GMDS: variants seen among roughly 807,000 people sequenced by gnomAD.
GMDS encodes GDP-mannose 4,6 dehydratase.
Under a neutral mutation model 49.9 loss-of-function variants are expected in GMDS, and 20 were observed. That is an observed-to-expected ratio of 0.40 (90% CI 0.28 to 0.58). The LOEUF (loss-of-function observed/expected upper bound fraction) is 0.58, where lower values mean the gene tolerates loss of function less well. Ranked by LOEUF, GMDS falls within the 20% of genes least tolerant of loss-of-function variation. The pLI is 0.42. For missense variants in GMDS, 362 were observed against 481.4 expected (o/e 0.75, Z 2.32); for synonymous variants, 177 against 178.6 (o/e 0.99, Z 0.07).
intron 9 of GMDS, among the ~76,000 whole-genome samples, chr6:1,713,022 G>A (rs576026157): frequency 6.6e-5 from 10 of 152,176 alleles, no homozygotes; most frequent in East Asian, 1.9e-4. Context: ...TCATATCTGC[G>A]TTTCTCCCAA....
chr6:1,866,344 T>C (rs1284891638), intron 7 of GMDS, among the ~76,000 whole-genome samples: 1 of 152,244 alleles, frequency 6.6e-6, no homozygotes, highest in African/African-American at 2.4e-5. Context: ...GCGAAGGGTA[T>C]ACATTTTAAA....
intron 1 of GMDS, among the ~76,000 whole-genome samples, chr6:2,189,063 G>A (rs1463551114): frequency 2.0e-5 from 3 of 152,136 alleles, no homozygotes; most frequent in Non-Finnish European, 4.4e-5. Flanking sequence ...ATGAACTGGT[G>A]GAGAACACTG....
At chr6:1,759,080 G>T (rs1347553790) in intron 7 of GMDS, among the ~76,000 whole-genome samples, 2 of 152,024 alleles carry the variant, frequency 1.3e-5, no homozygotes, top group Admixed American at 6.5e-5. Context: ...GCGCCACCAC[G>T]CCCGGCTAAT....
intron 1 of GMDS, among the ~76,000 whole-genome samples, chr6:2,145,977 C>T (rs1038649316): frequency 2.0e-5 from 3 of 152,232 alleles, no homozygotes; most frequent in African/African-American, 7.2e-5. Flanking sequence ...TACTGAGAGA[C>T]AACTATGCTG....
At chr6:1,869,025 C>T (rs1730050695) in intron 7 of GMDS, among the ~76,000 whole-genome samples, 1 of 152,174 alleles carries the variant, frequency 6.6e-6, no homozygotes, top group African/African-American at 2.4e-5. Flanking sequence ...CCATCCGTGA[C>T]AGTGGGGAAA....
intron 7 of GMDS, among the ~76,000 whole-genome samples, chr6:1,928,915 G>C (rs1191345042): frequency 6.6e-6 from 1 of 152,064 alleles, no homozygotes; most frequent in Admixed American, 6.5e-5. Flanking sequence ...GTTGTAGTGA[G>C]GCGAAATCAT....
chr6:2,054,266 T>C (rs897783312), intron 4 of GMDS, among the ~76,000 whole-genome samples: 20 of 152,056 alleles, frequency 1.3e-4, no homozygotes, highest in Admixed American at 1.2e-3. Flanking sequence ...AAAAGACCTA[T>C]TTTTAAATTG....
chr6:1,756,771 C>G (rs909342404), intron 7 of GMDS, among the ~76,000 whole-genome samples: 1 of 152,224 alleles, frequency 6.6e-6, no homozygotes, highest in Non-Finnish European at 1.5e-5. Flanking sequence ...TCCAGCTAAG[C>G]GTTCTGACAT....
intron 1 of GMDS, among the ~76,000 whole-genome samples, chr6:2,176,531 C>A (rs1778292733): frequency 6.6e-6 from 1 of 152,084 alleles, no homozygotes; most frequent in Admixed American, 6.5e-5. Flanking sequence ...GGGAATAAAC[C>A]AGGAAGGAAG....
rs1561961990 is a variant in GMDS at position 2,000,002 on chromosome 6, ATATATATTTTTTATATATATATATATC to A, written c.346-39063_346-39037del. Among the ~76,000 whole-genome samples the A allele has an allele frequency of 4.0e-3, 77 of 19,132 alleles. 1 individual carries two copies. The highest frequency in any genetic ancestry group is 6.3e-3 in the Non-Finnish European group (58 of 9,160). The allele number at this position is 19,132 out of a possible 152,430, so 12.6% of individuals were successfully genotyped here. ...TATATTTTATATATATATATTATATATATATATTTTTTATATATATATATATCTATATCTTTTTTTTTTTTTTTTTGA... is the reference window on the plus strand; with the variant it reads ...TATATTTTATATATATATATTATATATATATCTTTTTTTTTTTTTTTTTGA... On this transcript the variant is annotated intron_variant, in intron 4 of 10. Coordinates refer to ENST00000380815, the MANE Select transcript of GMDS (RefSeq NM_001500.4).
chr6:1,950,064 ATTATT>A (rs1763265125), intron 6 of GMDS, among the ~76,000 whole-genome samples: 1 of 152,222 alleles, frequency 6.6e-6, no homozygotes, highest in African/African-American at 2.4e-5. Flanking sequence ...TTTTTTAAAG[ATTATT>A]TTATTTAGAC....
intron 4 of GMDS, among the ~76,000 whole-genome samples, chr6:2,113,782 G>C (rs1340660336): frequency 1.3e-5 from 2 of 152,020 alleles, no homozygotes; most frequent in Non-Finnish European, 2.9e-5. Flanking sequence ...TTTTCGTACT[G>C]TACCATGCAT....
At chr6:2,148,991 C>T (rs1453140854) in intron 1 of GMDS, among the ~76,000 whole-genome samples, 1 of 152,116 alleles carries the variant, frequency 6.6e-6, no homozygotes, top group Admixed American at 6.5e-5. Context: ...AGCATGGTTA[C>T]GAATCATCAC....
intron 4 of GMDS, among the ~76,000 whole-genome samples, chr6:1,989,370 G>A (rs9392348): frequency 0.2 from 30,739 of 152,052 alleles, 3,354 homozygotes; most frequent in Non-Finnish European, 0.23. Flanking sequence ...AGGCTGGTAT[G>A]TGGTCAAGGT....
chr6:1,912,229 G>A (rs971318484), intron 7 of GMDS, among the ~76,000 whole-genome samples: 2 of 152,098 alleles, frequency 1.3e-5, no homozygotes, highest in Admixed American at 6.5e-5. Flanking sequence ...AGCCAGGTGC[G>A]GTGGCGGGCG....
intron 7 of GMDS, among the ~76,000 whole-genome samples, chr6:1,886,579 T>G (rs983501408): frequency 1.3e-5 from 2 of 152,212 alleles, no homozygotes; most frequent in African/African-American, 4.8e-5. Context: ...AGCAGTTTTG[T>G]AAGGAACAAT....
At chr6:2,025,548 GAAAA>G (rs907839827) in intron 4 of GMDS, among the ~76,000 whole-genome samples, 1 of 149,062 alleles carries the variant, frequency 6.7e-6, no homozygotes, top group Non-Finnish European at 1.5e-5. Context: ...CCTTGTAATT[GAAAA>G]AAAAATCAAA....
At chr6:1,904,135 C>G (rs764049542) in intron 7 of GMDS, among the ~76,000 whole-genome samples, 1 of 152,118 alleles carries the variant, frequency 6.6e-6, no homozygotes, top group Non-Finnish European at 1.5e-5. Flanking sequence ...ACGGGACAAG[C>G]GGTTCAGAAG....
intron 8 of GMDS, among the ~76,000 whole-genome samples, chr6:1,741,473 GAAAGAA>G (rs1319455378): frequency 2.0e-5 from 3 of 152,020 alleles, no homozygotes; most frequent in African/African-American, 7.2e-5. Context: ...ATAACATGAT[GAAAGAA>G]ATTTGGAAAA....
Sources: allele counts gnomAD v4.1 joint callset (sites outside exome capture counted in the v4.1 genomes callset), GRCh38; gene constraint gnomAD v4.1.1; transcripts MANE v1.5; gene names NCBI Gene and HGNC (gene_info 2026-07-23, HGNC 2026-07-21).